The following LRRC4C variants were observed in gnomAD, a reference collection of about 807,000 sequenced individuals.
The protein encoded by LRRC4C is leucine rich repeat containing 4C, also known as leucine-rich repeat-containing protein 4C.
In LRRC4C, 5 loss-of-function variants were observed where a neutral mutation model predicts 33.6. The ratio of observed to expected loss-of-function variants is 0.15; its 90% CI spans 0.08 to 0.31. The LOEUF is 0.31. LRRC4C is among the 10% of genes least tolerant of loss of function. The pLI is 1.00. For synonymous variants in LRRC4C, 329 were observed against 302.0 expected (o/e 1.09, Z -0.93); for missense variants, 560 against 796.7 (o/e 0.70, Z 3.58).
intron 1 of LRRC4C, among the ~76,000 whole-genome samples, chr11:41,051,567 A>ATAT (rs138811763): frequency 0.016 from 2,246 of 137,716 alleles, 88 homozygotes; most frequent in African/African-American, 0.056. Context: ...AAAATTAGTT[A>ATAT]TATTCTAATG....
chr11:41,112,908 G>T (rs920416779), intron 1 of LRRC4C, among the ~76,000 whole-genome samples: 1 of 152,036 alleles, frequency 6.6e-6, no homozygotes, highest in Non-Finnish European at 1.5e-5. Context: ...GTGTGTGTGT[G>T]CACGTGTACA....
At chr11:40,644,902 T>G (rs187790263) in intron 3 of LRRC4C, among the ~76,000 whole-genome samples, 39 of 152,012 alleles carry the variant, frequency 2.6e-4, no homozygotes, top group African/African-American at 8.9e-4. Context: ...TTGCAAGATA[T>G]TGTCATTGGG....
intron 5 of LRRC4C, among the ~76,000 whole-genome samples, chr11:40,218,630 G>A (rs77857445): frequency 7.1e-6 from 1 of 139,866 alleles, no homozygotes; most frequent in Non-Finnish European, 1.5e-5. Context: ...ATGTATGTAT[G>A]TATGTATCTA....
intron 1 of LRRC4C, among the ~76,000 whole-genome samples, chr11:41,191,568 T>C (rs766038102): frequency 1.3e-5 from 2 of 152,152 alleles, no homozygotes; most frequent in African/African-American, 2.4e-5. Context: ...AAGAACTCAT[T>C]GCAAAGATAT....
At chr11:40,949,692 G>A (rs1202022794) in intron 1 of LRRC4C, among the ~76,000 whole-genome samples, 3 of 151,986 alleles carry the variant, frequency 2.0e-5, no homozygotes, top group Admixed American at 1.3e-4. Context: ...CACCAGGCCT[G>A]CCCTAAAAGA....
At chr11:40,659,478 C>A (rs865916236) in intron 2 of LRRC4C, among the ~76,000 whole-genome samples, 1 of 152,136 alleles carries the variant, frequency 6.6e-6, no homozygotes, top group Non-Finnish European at 1.5e-5. Flanking sequence ...AGTCAGAGCT[C>A]ATGGTGCTTT....
At chr11:41,059,862 T>C (rs1180989878) in intron 1 of LRRC4C, among the ~76,000 whole-genome samples, 3 of 152,052 alleles carry the variant, frequency 2.0e-5, no homozygotes, top group Non-Finnish European at 2.9e-5. Flanking sequence ...CCATCTCTAC[T>C]AAAAATACAA....
At chr11:40,308,914 T>A (rs1482865936) in intron 4 of LRRC4C, among the ~76,000 whole-genome samples, 1 of 152,210 alleles carries the variant, frequency 6.6e-6, no homozygotes. Flanking sequence ...TGCATATGAA[T>A]CATCAGAATG....
intron 2 of LRRC4C, among the ~76,000 whole-genome samples, chr11:40,929,098 G>A (rs866261953): frequency 6.6e-6 from 1 of 152,040 alleles, no homozygotes; most frequent in African/African-American, 2.4e-5. Flanking sequence ...CTTCACAAAT[G>A]GAAGAAGTCC....
chr11:40,521,256 T>TAATTTC (rs1367863627), intron 3 of LRRC4C, among the ~76,000 whole-genome samples: 2 of 152,204 alleles, frequency 1.3e-5, no homozygotes, highest in Non-Finnish European at 2.9e-5. Flanking sequence ...AGGTATAATT[T>TAATTTC]AATTTCAAAA....
At chr11:40,836,027 T>C (rs1952653779) in intron 2 of LRRC4C, among the ~76,000 whole-genome samples, 1 of 152,210 alleles carries the variant, frequency 6.6e-6, no homozygotes, top group Admixed American at 6.5e-5. Flanking sequence ...CACAACTTAA[T>C]TCCAGTCACT....
intron 5 of LRRC4C, among the ~76,000 whole-genome samples, chr11:40,162,995 T>A (rs545714674): frequency 6.6e-6 from 1 of 152,240 alleles, no homozygotes; most frequent in South Asian, 2.1e-4. Flanking sequence ...CTACTACATA[T>A]CTCTTTTGTC....
chr11:40,545,496 G>C (rs570971900), intron 3 of LRRC4C, among the ~76,000 whole-genome samples: 1 of 151,958 alleles, frequency 6.6e-6, no homozygotes, highest in African/African-American at 2.4e-5. Context: ...GCAGGAAATT[G>C]ATAGCTGGAA....
Position 40,598,041 on chromosome 11 carries a change from T to G in LRRC4C, c.-270+50101A>C, listed in dbSNP as rs528361581. Reference sequence around the variant, plus strand: ...AGTGCAATCTATTATTGTTTGTCACTCATAGGTGCTTTTTCAAAAGTTTCC... The same window carrying G: ...AGTGCAATCTATTATTGTTTGTCACGCATAGGTGCTTTTTCAAAAGTTTCC... On this transcript the variant is annotated intron_variant, in intron 3 of 6. Transcript: ENST00000528697. Among the ~76,000 whole-genome samples, 9 of 152,326 alleles carry G rather than the reference T, an allele frequency of 5.9e-5. No individual in the cohort carries two copies. The South Asian group carries it at 1.5e-3, about 25-fold the overall frequency.
chr11:40,372,261 CG>C (rs1436569384), intron 3 of LRRC4C, among the ~76,000 whole-genome samples: 5 of 152,120 alleles, frequency 3.3e-5, no homozygotes, highest in African/African-American at 1.2e-4. Context: ...ACTCTCTGGA[CG>C]GCAGCATCAA....
At position 40,701,678 on chromosome 11, in the gene LRRC4C, G is replaced by C. The variant is rs570245572; in HGVS notation, c.-406-53400C>G. Among the ~76,000 whole-genome samples, 458 of 150,410 alleles carry C rather than the reference G, an allele frequency of 3.0e-3. 1 individual carries two copies. The highest frequency in any genetic ancestry group is 5.1e-3 in the Non-Finnish European group (345 of 67,586). On this transcript the variant is annotated intron_variant, in intron 2 of 6. Coordinates refer to ENST00000528697, the MANE Select transcript of LRRC4C (RefSeq NM_001258419.2). ...ATAAAGATTTTATTATTCTTTTCAA[G>C]AAAGTTTATTCTCCTGGAAATGTGA...
At chr11:41,334,499 G>A (rs1320532366) in intron 1 of LRRC4C, among the ~76,000 whole-genome samples, 3 of 152,034 alleles carry the variant, frequency 2.0e-5, no homozygotes, top group Non-Finnish European at 4.4e-5. Context: ...GGTGTTAGAT[G>A]TCTGGTACTT....
intron 1 of LRRC4C, among the ~76,000 whole-genome samples, chr11:40,959,577 A>G (rs948504240): frequency 2.6e-5 from 4 of 151,754 alleles, no homozygotes; most frequent in African/African-American, 9.7e-5. Context: ...GTAAGACTTT[A>G]TACTAAATGA....
chr11:41,008,864 C>T (rs1347669254), intron 1 of LRRC4C, among the ~76,000 whole-genome samples: 2 of 151,872 alleles, frequency 1.3e-5, no homozygotes, highest in Non-Finnish European at 2.9e-5. Context: ...TTATGGCTCC[C>T]CCATCATTTC....
Sources: allele counts gnomAD v4.1 joint callset (sites outside exome capture counted in the v4.1 genomes callset), GRCh38; gene constraint gnomAD v4.1.1; transcripts MANE v1.5; gene names NCBI Gene and HGNC (gene_info 2026-07-23, HGNC 2026-07-21).